EXOC6B: variants seen among roughly 807,000 people sequenced by gnomAD.
EXOC6B encodes exocyst complex component 6B, also known as SEC15 homolog B.
In EXOC6B, 54 loss-of-function variants were observed where a neutral mutation model predicts 113.5. The observed-to-expected ratio is 0.48, with a 90% CI of 0.38 to 0.60. EXOC6B has a LOEUF of 0.60. Ranked by LOEUF, EXOC6B falls within the 20% of genes least tolerant of loss-of-function variation. EXOC6B has a pLI of 0.00. For synonymous variants in EXOC6B, 357 were observed against 339.0 expected, an observed-to-expected ratio of 1.05 and a Z score of -0.58; for missense variants, 797 against 977.5, an observed-to-expected ratio of 0.82 and a Z score of 2.46.
chr2:72,236,438 A>G (rs1681963480), intron 20 of EXOC6B, among the ~76,000 whole-genome samples: 1 of 152,142 alleles, frequency 6.6e-6, no homozygotes, highest in Admixed American at 6.5e-5. Context: ...TACTATCTTT[A>G]ATTTAGATTT....
At chr2:72,289,187 T>G in intron 20 of EXOC6B, 1 of 172,104 alleles carries the variant, frequency 5.8e-6, no homozygotes, top group Non-Finnish European at 1.2e-5. Context: ...TATTAATTAC[T>G]TCTGGGTGTG....
At chr2:72,643,598 C>A (rs1673439289) in intron 6 of EXOC6B, among the ~76,000 whole-genome samples, 1 of 124,298 alleles carries the variant, frequency 8.0e-6, no homozygotes, top group Non-Finnish European at 1.6e-5. Context: ...GAACATCACA[C>A]TCTGGGGACT....
intron 20 of EXOC6B, among the ~76,000 whole-genome samples, chr2:72,333,653 T>C (rs1399861627): frequency 1.3e-5 from 2 of 152,120 alleles, no homozygotes; most frequent in African/African-American, 4.8e-5. Flanking sequence ...ATTGTTCCAT[T>C]TGTGATCATG....
chr2:72,250,786 T>C (rs1682966520), intron 20 of EXOC6B, among the ~76,000 whole-genome samples: 2 of 152,220 alleles, frequency 1.3e-5, no homozygotes, highest in Admixed American at 1.3e-4. Context: ...TTCAATTTGT[T>C]TCCTGAAGAT....
chr2:72,640,810 G>A (rs1030905922), intron 6 of EXOC6B, among the ~76,000 whole-genome samples: 6 of 152,012 alleles, frequency 3.9e-5, no homozygotes, highest in African/African-American at 1.5e-4. Flanking sequence ...CAAAAAAGCA[G>A]GGGTTACAAA....
At chr2:72,281,826 A>G (rs1163510841) in intron 20 of EXOC6B, among the ~76,000 whole-genome samples, 1 of 152,218 alleles carries the variant, frequency 6.6e-6, no homozygotes, top group Non-Finnish European at 1.5e-5. Flanking sequence ...ACTGAAGATG[A>G]AGAGAACATT....
At chr2:72,539,880 C>T (rs1250925975) in intron 8 of EXOC6B, among the ~76,000 whole-genome samples, 2 of 151,528 alleles carry the variant, frequency 1.3e-5, no homozygotes, top group Non-Finnish European at 2.9e-5. Context: ...ATGTGCCATG[C>T]TGGTGTGCTG....
At chr2:72,264,069 T>C (rs1683898409) in intron 20 of EXOC6B, among the ~76,000 whole-genome samples, 1 of 152,118 alleles carries the variant, frequency 6.6e-6, no homozygotes, top group South Asian at 2.1e-4. Flanking sequence ...CACCTAAGTG[T>C]ATAAAAAAGG....
At chr2:72,230,779 T>C (rs1681569649) in intron 20 of EXOC6B, among the ~76,000 whole-genome samples, 1 of 152,112 alleles carries the variant, frequency 6.6e-6, no homozygotes, top group Non-Finnish European at 1.5e-5. Context: ...TTAAAGCTAG[T>C]TGTAGGAATT....
chr2:72,225,868 C>A (rs1681205652), intron 20 of EXOC6B, among the ~76,000 whole-genome samples: 1 of 152,096 alleles, frequency 6.6e-6, no homozygotes, highest in African/African-American at 2.4e-5. Flanking sequence ...TTGGTAAATG[C>A]ATGTAAGTAT....
chr2:72,312,502 A>T (rs943530306), intron 20 of EXOC6B, among the ~76,000 whole-genome samples: 1 of 152,120 alleles, frequency 6.6e-6, no homozygotes, highest in African/African-American at 2.4e-5. Context: ...TTGCAAGCAC[A>T]CATAAAAAGT....
chr2:72,787,862 T>C (rs1684464373), intron 1 of EXOC6B, among the ~76,000 whole-genome samples: 1 of 152,200 alleles, frequency 6.6e-6, no homozygotes, highest in Admixed American at 6.5e-5. Context: ...AGAACTGGTC[T>C]AACTTCTAAG....
chr2:72,783,318 C>CTTTTT (rs70963146), intron 1 of EXOC6B, among the ~76,000 whole-genome samples: 957 of 60,280 alleles, frequency 0.016, no homozygotes, highest in Middle Eastern at 0.028. Context: ...TTTTTCTTTT[C>CTTTTT]TTTTTTTTTT....
chr2:72,250,506 C>T (rs1009609834), intron 20 of EXOC6B, among the ~76,000 whole-genome samples: 11 of 151,746 alleles, frequency 7.2e-5, no homozygotes, highest in African/African-American at 2.7e-4. Flanking sequence ...CCAGGCCTGG[C>T]TAATTTTTGT....
intron 6 of EXOC6B, among the ~76,000 whole-genome samples, chr2:72,579,236 C>T (rs1287398245): frequency 6.6e-6 from 1 of 151,964 alleles, no homozygotes; most frequent in Non-Finnish European, 1.5e-5. Context: ...GGGGCCATTC[C>T]AAGCAATAGG....
At chr2:72,544,530 C>T (rs918143129) in intron 8 of EXOC6B, among the ~76,000 whole-genome samples, 1 of 151,974 alleles carries the variant, frequency 6.6e-6, no homozygotes, top group Non-Finnish European at 1.5e-5. Flanking sequence ...TGTATTAGGA[C>T]GTGCTTGCTT....
At chr2:72,436,460 G>T (rs1027416337) in intron 18 of EXOC6B, among the ~76,000 whole-genome samples, 78 of 152,006 alleles carry the variant, frequency 5.1e-4, no homozygotes, top group Non-Finnish European at 7.4e-4. Context: ...GCTAGGTTGG[G>T]GAAGTTCTCC....
At chr2:72,511,985 C>T (rs1431853714) in intron 11 of EXOC6B, among the ~76,000 whole-genome samples, 2 of 152,052 alleles carry the variant, frequency 1.3e-5, no homozygotes, top group African/African-American at 4.8e-5. Flanking sequence ...TCATTGACTC[C>T]TCACTATTAT....
intron 2 of EXOC6B, among the ~76,000 whole-genome samples, chr2:72,734,292 G>C (rs144971075): frequency 1.3e-4 from 20 of 152,270 alleles, no homozygotes; most frequent in South Asian, 6.2e-4. Context: ...TAAAGTACCA[G>C]AAAGGGAGGC....
Sources: allele counts gnomAD v4.1 joint callset (sites outside exome capture counted in the v4.1 genomes callset), GRCh38; gene constraint gnomAD v4.1.1; transcripts MANE v1.5; gene names NCBI Gene and HGNC (gene_info 2026-07-23, HGNC 2026-07-21).